Variants in FRMD6 observed in about 807,000 individuals in gnomAD.
FRMD6 encodes FERM domain-containing protein 6.
Under a neutral mutation model 73.2 loss-of-function variants are expected in FRMD6, and 37 were observed. The observed-to-expected ratio is 0.51, with a 90% CI of 0.39 to 0.66. FRMD6 has a LOEUF of 0.66. Ranked by LOEUF, FRMD6 falls within the 30% of genes least tolerant of loss-of-function variation. The pLI, the probability that FRMD6 is intolerant of heterozygous loss-of-function variation, is 0.00. For missense variants in FRMD6, 714 were observed against 780.5 expected, an observed-to-expected ratio of 0.91 and a Z score of 1.02; for synonymous variants, 273 against 282.2, an observed-to-expected ratio of 0.97 and a Z score of 0.33.
At chr14:51,538,166 CG>C (rs1886002992) in intron 1 of FRMD6, among the ~76,000 whole-genome samples, 1 of 152,060 alleles carries the variant, frequency 6.6e-6, no homozygotes, top group Non-Finnish European at 1.5e-5. Flanking sequence ...TGATCCATCT[CG>C]AGTTAATTTT....
intron 1 of FRMD6, among the ~76,000 whole-genome samples, chr14:51,659,189 T>A (rs1231388450): frequency 6.6e-6 from 1 of 152,212 alleles, no homozygotes; most frequent in African/African-American, 2.4e-5. Context: ...TACTTAACTC[T>A]CTACACCTCT....
At chr14:51,417,818 A>T in the FRMD6 span, among the ~76,000 whole-genome samples, 2 of 152,100 alleles carry the variant, frequency 1.3e-5, no homozygotes, top group African/African-American at 2.4e-5. Flanking sequence ...CTTTTCACAT[A>T]GTCCCATATT....
chr14:51,464,909 A>G, the FRMD6 span, among the ~76,000 whole-genome samples: 1 of 152,164 alleles, frequency 6.6e-6, no homozygotes, highest in African/African-American at 2.4e-5. Context: ...CAGAAACTGA[A>G]ATTTAGGAGC....
chr14:51,452,079 A>G, the FRMD6 span, among the ~76,000 whole-genome samples: 16 of 152,350 alleles, frequency 1.1e-4, no homozygotes, highest in East Asian at 3.1e-3. Flanking sequence ...AATACAGCAT[A>G]CATTGAAAAG....
Position 51,729,493 on chromosome 14 carries a change from A to T in FRMD6, c.*1464A>T, listed in dbSNP as rs1898151202. 6.5e-6 allele frequency: 1 copy of T among 152,672 alleles called. No homozygotes were observed. The highest frequency in any genetic ancestry group is 6.5e-5 in the Admixed American group (1 of 15,288). 9.5% of individuals were successfully genotyped at this position (152,672 alleles called of 1,614,324 possible). On this transcript the variant is annotated 3_prime_UTR_variant, in exon 14 of 14. Coordinates refer to ENST00000344768, the MANE Select transcript of FRMD6 (RefSeq NM_001267046.2). Reference sequence around the variant, plus strand: ...ACACTTCAGGAGAGAACTTCATAGCACAATGTCTTTCTATAAGATATTTTT... The same window carrying T: ...ACACTTCAGGAGAGAACTTCATAGCTCAATGTCTTTCTATAAGATATTTTT...
the FRMD6 span, among the ~76,000 whole-genome samples, chr14:51,475,367 A>T: frequency 7.9e-5 from 12 of 152,174 alleles, no homozygotes; most frequent in Admixed American, 6.5e-5. Flanking sequence ...TTTGCCATAG[A>T]GTTAGGAAGC....
chr14:51,490,759 C>T (rs1362086918), intron 1 of FRMD6, among the ~76,000 whole-genome samples: 2 of 152,014 alleles, frequency 1.3e-5, no homozygotes, highest in Non-Finnish European at 2.9e-5. Context: ...GCCCAGTTAC[C>T]GAAACTGCTT....
Position 51,532,356 on chromosome 14 carries a change from G to T in FRMD6, c.-209-37992G>T, listed in dbSNP as rs552436726. Among the ~76,000 whole-genome samples, 161 of 127,640 alleles carry T rather than the reference G, an allele frequency of 1.3e-3. 6 individuals are homozygous for T. The South Asian group carries it at 0.041, about 33-fold the overall frequency. The allele number at this position is 127,640 out of a possible 152,430, so 83.7% of individuals were successfully genotyped here. ...TGCACTATAGCCTGGGTGACAGAGC[G>T]AGACTCCATCTCAAAAAAAAAAAAA... On this transcript the variant is annotated intron_variant, in intron 1 of 14. Coordinates refer to the FRMD6 transcript ENST00000356218.
chr14:51,502,375 A>G (rs767226951), intron 1 of FRMD6, among the ~76,000 whole-genome samples: 24 of 152,128 alleles, frequency 1.6e-4, no homozygotes, highest in Non-Finnish European at 3.1e-4. Context: ...TAGTTTTTGT[A>G]TATGGTGTAA....
chr14:51,577,711 A>C (rs537089093), intron 2 of FRMD6, among the ~76,000 whole-genome samples: 1 of 152,328 alleles, frequency 6.6e-6, no homozygotes, highest in Admixed American at 6.5e-5. Context: ...AGTTGGTCAG[A>C]AAGTGAGTAT....
chr14:51,649,221 A>C (rs540080101), upstream of FRMD6, among the ~76,000 whole-genome samples: 7 of 152,332 alleles, frequency 4.6e-5, no homozygotes, highest in African/African-American at 1.7e-4. Context: ...TAAGAGTTTA[A>C]AATACTTAGT....
At chr14:51,452,201 A>G in the FRMD6 span, among the ~76,000 whole-genome samples, 5 of 152,202 alleles carry the variant, frequency 3.3e-5, no homozygotes, top group African/African-American at 7.2e-5. Context: ...TTTAATAACT[A>G]TTTAGGAAAT....
intron 3 of FRMD6, 57 bp from the exon 4 acceptor site, chr14:51,700,999 T>C: frequency 1.2e-6 from 1 of 809,980 alleles, no homozygotes; most frequent in Non-Finnish European, 1.9e-6. Context: ...TTTCTATATT[T>C]TTTTTCTTTT....
intron 5 of FRMD6, among the ~76,000 whole-genome samples, chr14:51,703,783 A>G (rs1285728357): frequency 9.2e-5 from 14 of 152,080 alleles, no homozygotes. Context: ...CCATGGTCTT[A>G]GTTTAAATAA....
At chr14:51,667,928 A>G (rs1893719912) in intron 1 of FRMD6, among the ~76,000 whole-genome samples, 1 of 152,190 alleles carries the variant, frequency 6.6e-6, no homozygotes, top group Non-Finnish European at 1.5e-5. Context: ...ATTTGCTTCT[A>G]CAGGTGCCTA....
chr14:51,620,712 C>A (rs1401111251), intron 2 of FRMD6, among the ~76,000 whole-genome samples: 1 of 152,162 alleles, frequency 6.6e-6, no homozygotes, highest in Non-Finnish European at 1.5e-5. Flanking sequence ...GGCAGTCCAG[C>A]CCCAGCAGGA....
At chr14:51,600,147 C>A (rs1417713140) in intron 2 of FRMD6, among the ~76,000 whole-genome samples, 1 of 151,908 alleles carries the variant, frequency 6.6e-6, no homozygotes, top group Non-Finnish European at 1.5e-5. Context: ...AAGGTATAAA[C>A]AAGAAGATAG....
chr14:51,626,914 A>G (rs528909944), intron 2 of FRMD6, among the ~76,000 whole-genome samples: 6 of 152,252 alleles, frequency 3.9e-5, no homozygotes, highest in Admixed American at 1.3e-4. Context: ...GCTTCAGGGA[A>G]AAAAGAAATC....
At position 51,727,882 on chromosome 14, in the gene FRMD6, C is replaced by T. The variant is rs1898069338; in HGVS notation, c.1722C>T (p.Gly574=). The T allele has an allele frequency of 6.2e-7, 1 of 1,614,188 alleles. No homozygotes were observed. The highest frequency in any genetic ancestry group is 8.5e-7 in the Non-Finnish European group (1 of 1,180,024). ...DTAQSYTFGC[G]HELDEEGLYC... ...CTCAGAGTTACACCTTTGGATGTGG[C>T]CATGAACTGGATGAGGAAGGCCTCT... The change falls in exon 14 of 14, where the codon GGC becomes GGT. Residue 574 remains glycine (G), a synonymous_variant. Coordinates refer to ENST00000344768, the MANE Select transcript of FRMD6 (RefSeq NM_001267046.2).
Sources: allele counts gnomAD v4.1 joint callset (sites outside exome capture counted in the v4.1 genomes callset), GRCh38; gene constraint gnomAD v4.1.1; transcripts MANE v1.5; gene names NCBI Gene and HGNC (gene_info 2026-07-23, HGNC 2026-07-21).